MED12L: variants seen among roughly 807,000 people sequenced by gnomAD.
MED12L encodes mediator of RNA polymerase II transcription subunit 12-like protein.
MED12L carries 60 observed loss-of-function variants against 281.3 expected under a neutral mutation model. That is an observed-to-expected ratio of 0.21 (90% CI 0.17 to 0.26). The LOEUF is 0.26. MED12L is among the 10% of genes least tolerant of loss of function. The pLI, the probability that MED12L is intolerant of heterozygous loss-of-function variation, is 1.00. For missense variants in MED12L, 2,146 were observed against 2,680.9 expected (o/e 0.80, Z 4.41); for synonymous variants, 974 against 987.2 (o/e 0.99, Z 0.25).
intron 16 of MED12L, among the ~76,000 whole-genome samples, chr3:151,218,619 A>G (rs1490165058): frequency 6.6e-6 from 1 of 152,158 alleles, no homozygotes; most frequent in Non-Finnish European, 1.5e-5. Context: ...CTGTAATCCC[A>G]GCACTTTGGG....
rs2108204365 is a variant in MED12L, at chr3:151,387,829, A to T, written c.5108A>T (p.Lys1703Met). 1 of 1,613,408 alleles carries T rather than the reference A, an allele frequency of 6.2e-7. No individual in the cohort carries two copies. Among genetic ancestry groups the T allele is most frequent in the East Asian group, 2.2e-5 (1 of 44,876 alleles). ...CCACAGGGTCTCCAGGTCTCTACGAAGCAGAAGGTGTCCCCGTGGGACTTG... is the reference window on the plus strand; with the variant it reads ...CCACAGGGTCTCCAGGTCTCTACGATGCAGAAGGTGTCCCCGTGGGACTTG... The part of the protein sequence containing the change: ...DKKQGLQVST[K>M]QKVSPWDLFE... Residue 1703 changes from lysine to methionine, a missense_variant, in exon 37 of 45, where the codon AAG (lysine) becomes ATG (methionine). Around this residue, in one of 9 missense-constraint regions of MED12L, gnomAD observed 212 missense variants for 340.8 expected, o/e 0.62. Coordinates refer to ENST00000687756, the MANE Select transcript of MED12L (RefSeq NM_001393769.1).
chr3:151,207,959 TTTTTA>T (rs1206854678), intron 16 of MED12L, among the ~76,000 whole-genome samples: 2 of 152,156 alleles, frequency 1.3e-5, no homozygotes, highest in Non-Finnish European at 2.9e-5. Context: ...CTTAGATAGA[TTTTTA>T]TTTTATTCTT....
rs1381502000 is a variant in MED12L, at chr3:151,296,157, T to C, written c.2251-53902T>C. Among the ~76,000 whole-genome samples the C allele has an allele frequency of 2.0e-5, 3 of 152,250 alleles. No individual in the cohort carries two copies. In the East Asian group the frequency reaches 5.8e-4, roughly 29 times the overall value. ...TAATTGCAACCTGGTATATTTTTTTTGTTTACAAGGCTAGGTTACGCCTAT... is the reference window on the plus strand; with the variant it reads ...TAATTGCAACCTGGTATATTTTTTTCGTTTACAAGGCTAGGTTACGCCTAT... On this transcript the variant is annotated intron_variant, in intron 16 of 44. Coordinates refer to ENST00000687756, the MANE Select transcript of MED12L (RefSeq NM_001393769.1).
chr3:151,110,958 A>G (rs1158203265), intron 2 of MED12L, among the ~76,000 whole-genome samples: 1 of 152,088 alleles, frequency 6.6e-6, no homozygotes, highest in Non-Finnish European at 1.5e-5. Context: ...AGAGGCAGAA[A>G]CCTCAACTCT....
At chr3:151,410,225 C>A (rs920161334) in intron 40 of MED12L, among the ~76,000 whole-genome samples, 9 of 152,206 alleles carry the variant, frequency 5.9e-5, no homozygotes, top group African/African-American at 2.2e-4. Context: ...TAATGCAAAT[C>A]TTGAGCTACT....
chr3:151,222,160 A>G lies in MED12L; in HGVS notation c.2250+28494A>G, dbSNP rs1729492344. Among the ~76,000 whole-genome samples, 4 of 152,142 alleles carry G rather than the reference A, an allele frequency of 2.6e-5. No homozygotes were observed. In the South Asian group the frequency reaches 8.3e-4, roughly 32 times the overall value. On this transcript the variant is annotated intron_variant, in intron 16 of 44. Coordinates refer to ENST00000687756, the MANE Select transcript of MED12L (RefSeq NM_001393769.1). ...CCTCCCATTTGGAATGACTGCATTTACCCAATGCCTGTACTGCATTGTATC... is the reference window on the plus strand; with the variant it reads ...CCTCCCATTTGGAATGACTGCATTTGCCCAATGCCTGTACTGCATTGTATC...
chr3:151,242,344 G>A (rs1734340247), intron 16 of MED12L, among the ~76,000 whole-genome samples: 1 of 152,258 alleles, frequency 6.6e-6, no homozygotes, highest in South Asian at 2.1e-4. Flanking sequence ...CAAAAAGACA[G>A]CAGTAACCTC....
intron 16 of MED12L, among the ~76,000 whole-genome samples, chr3:151,236,124 G>A (rs1382555042): frequency 1.3e-5 from 2 of 152,006 alleles, no homozygotes; most frequent in East Asian, 1.9e-4. Context: ...TCTTGTTAAC[G>A]GCAAAATTAG....
intron 8 of MED12L, among the ~76,000 whole-genome samples, chr3:151,161,935 A>C (rs768683084): frequency 6.6e-6 from 1 of 152,220 alleles, no homozygotes; most frequent in Non-Finnish European, 1.5e-5. Context: ...TTAAAGAGCT[A>C]TTTAATTGAA....
Position 151,409,256 on chromosome 3 carries a change from A to T in MED12L, c.5834A>T (p.Asp1945Val). The T allele has an allele frequency of 6.2e-7, 1 of 1,600,334 alleles. No homozygotes were observed. The highest frequency in any genetic ancestry group is 8.5e-7 in the Non-Finnish European group (1 of 1,175,714). ...TTTGTTTTCCAGGGCCAGCCGGGGG[A>T]CCAGGCTGCTCTCTTTGCTGCGCAA... ...TRPFQQGQPG[D>V]QAALFAAQAR... The change falls in exon 40 of 45, where the codon GAC becomes GTC. Residue 1945 changes from aspartate (D) to valine (V), a missense_variant. Around this residue, in one of 9 missense-constraint regions of MED12L, gnomAD observed 496 missense variants for 512.0 expected, o/e 0.97. Transcript: ENST00000687756.
At chr3:151,403,560 A>T (rs966777821) in intron 39 of MED12L, among the ~76,000 whole-genome samples, 1 of 152,172 alleles carries the variant, frequency 6.6e-6, no homozygotes, top group Admixed American at 6.5e-5. Context: ...TTTTGAGCAT[A>T]GGTCTTGTGC....
In MED12L at chr3:151,223,618, T is replaced by C. The variant is rs55645954; in HGVS notation, c.2250+29952T>C. 5.0e-3 allele frequency among the ~76,000 whole-genome samples: 768 copies of C among 152,258 alleles called. 2 individuals are homozygous for C. The highest frequency in any genetic ancestry group is 0.014 in the African/African-American group (594 of 41,546). On this transcript the variant is annotated intron_variant, in intron 16 of 44. Coordinates refer to ENST00000687756, the MANE Select transcript of MED12L (RefSeq NM_001393769.1). ...ACCAAATACCACATATTTTCACTTATAAGTGGGAACTAAACATTGGATACA... is the reference window on the plus strand; with the variant it reads ...ACCAAATACCACATATTTTCACTTACAAGTGGGAACTAAACATTGGATACA...
chr3:151,321,996 C>G (rs1749053726), intron 16 of MED12L, among the ~76,000 whole-genome samples: 2 of 152,154 alleles, frequency 1.3e-5, no homozygotes, highest in South Asian at 4.1e-4. Context: ...AATATTGATA[C>G]ACCCAGTTTC....
chr3:151,299,450 T>C (rs1182310384), intron 16 of MED12L, among the ~76,000 whole-genome samples: 1 of 137,490 alleles, frequency 7.3e-6, no homozygotes, highest in African/African-American at 2.7e-5. Flanking sequence ...TCTTTTCTTT[T>C]CTATTTCCTC....
At chr3:151,171,184 T>C (rs1721378825) in intron 11 of MED12L, among the ~76,000 whole-genome samples, 4 of 152,166 alleles carry the variant, frequency 2.6e-5, no homozygotes. Flanking sequence ...AATCCTGACA[T>C]CCACACAAAG....
At chr3:151,187,140 C>A (rs1256478249) in intron 12 of MED12L, among the ~76,000 whole-genome samples, 1 of 152,174 alleles carries the variant, frequency 6.6e-6, no homozygotes, top group Admixed American at 6.5e-5. Flanking sequence ...GCTAAATGAC[C>A]TATTGAACAG....
At chr3:151,157,453 T>G (rs1259042607) in intron 6 of MED12L, among the ~76,000 whole-genome samples, 2 of 152,176 alleles carry the variant, frequency 1.3e-5, no homozygotes, top group Non-Finnish European at 2.9e-5. Flanking sequence ...ATGAAGATTC[T>G]CTTTGTTTTT....
rs776166691 is a variant in MED12L, at chr3:151,188,470, C to G, written c.1743C>G (p.Ala581=). The G allele has an allele frequency of 6.2e-7, 1 of 1,611,432 alleles. No individual in the cohort carries two copies. The highest frequency in any genetic ancestry group is 1.1e-5 in the South Asian group (1 of 90,684). Reference sequence around the variant, plus strand: ...TGTTAAGGTTTTTAGATACACAGGCCCCCTCTTTGTGTAAGTAGAGAAAAC... The same window carrying G: ...TGTTAAGGTTTTTAGATACACAGGCGCCCTCTTTGTGTAAGTAGAGAAAAC... ...NVLLRFLDTQ[A]PSLSDPNSEC... is the part of the protein sequence containing the mutation. Residue 581 remains alanine, a synonymous_variant, in exon 13 of 45, where the codon GCC becomes GCG. Transcript: ENST00000687756.
chr3:151,212,799 A>C (rs1422385493), intron 16 of MED12L: 3 of 152,028 alleles, frequency 2.0e-5, no homozygotes, highest in Non-Finnish European at 2.9e-5. Context: ...TGCTTCTTCA[A>C]ATCAGGAAAA....
Sources: allele counts gnomAD v4.1 joint callset (sites outside exome capture counted in the v4.1 genomes callset), GRCh38; gene constraint gnomAD v4.1.1; regional missense constraint gnomAD v4.1.1; transcripts MANE v1.5; gene names NCBI Gene and HGNC (gene_info 2026-07-23, HGNC 2026-07-21).